KDM4C: variants seen among roughly 807,000 people sequenced by gnomAD.
KDM4C encodes lysine-specific demethylase 4C.
A neutral mutation model predicts 129.3 loss-of-function variants in KDM4C; 81 were observed. That is an observed-to-expected ratio of 0.63 (90% CI 0.52 to 0.75). KDM4C has a LOEUF of 0.75. Among genes scored for constraint, KDM4C ranks in the 30% least tolerant of loss-of-function variants. The pLI is 0.00. For missense variants in KDM4C, 1,457 were observed against 1,304.0 expected, an observed-to-expected ratio of 1.12 and a Z score of -1.81; for synonymous variants, 573 against 456.1, an observed-to-expected ratio of 1.26 and a Z score of -3.26.
chr9:6,780,333 C>A lies in KDM4C; in HGVS notation c.-17-12639C>A, dbSNP rs767357563. ...AAAGATGAGGTAATTTATTTTTAAT[C>A]TCAAACGAGGTGTGGGAATTATAAC... On this transcript the variant is annotated intron_variant, in intron 1 of 21. Transcript: ENST00000381309. Among the ~76,000 whole-genome samples the A allele has an allele frequency of 4.6e-4, 53 of 114,882 alleles. 1 individual carries two copies. Among genetic ancestry groups the A allele is most frequent in the South Asian group, 1.3e-3 (3 of 2,274 alleles). 75.4% of individuals were successfully genotyped at this position (114,882 alleles called of 152,430 possible).
At chr9:7,115,633 T>C (rs1838813733) in intron 18 of KDM4C, among the ~76,000 whole-genome samples, 1 of 152,238 alleles carries the variant, frequency 6.6e-6, no homozygotes, top group African/African-American at 2.4e-5. Context: ...TTTAAGACTA[T>C]TAACTGCAAG....
rs550023993 is a variant in KDM4C at position 7,171,814 on chromosome 9, T to G, written c.2994+1924T>G. Among the ~76,000 whole-genome samples the G allele has an allele frequency of 2.6e-5, 4 of 152,280 alleles. No homozygotes were observed. The South Asian group carries it at 8.3e-4, about 32-fold the overall frequency. ...AACAAGCTCACCAACATTCAATTTT[T>G]TTTTTATTCTCTGAAAAAATTTTTA... On this transcript the variant is annotated intron_variant, in intron 21 of 21. Coordinates refer to ENST00000381309, the MANE Select transcript of KDM4C (RefSeq NM_015061.6).
intron 19 of KDM4C, among the ~76,000 whole-genome samples, chr9:7,139,720 A>G (rs1728987970): frequency 6.6e-6 from 1 of 152,176 alleles, no homozygotes; most frequent in Admixed American, 6.5e-5. Context: ...TTTAAAATGT[A>G]TTTCAATACT....
At chr9:6,911,441 G>C (rs1485632659) in intron 8 of KDM4C, among the ~76,000 whole-genome samples, 2 of 152,210 alleles carry the variant, frequency 1.3e-5, no homozygotes, top group Non-Finnish European at 2.9e-5. Flanking sequence ...ACTGTGGGCT[G>C]TCAAGCTAGT....
chr9:7,098,521 C>T (rs1393644235), intron 17 of KDM4C, among the ~76,000 whole-genome samples: 1 of 152,130 alleles, frequency 6.6e-6, no homozygotes, highest in Admixed American at 6.5e-5. Flanking sequence ...TGACCAGTTG[C>T]CCAAGTAAAC....
chr9:6,908,299 C>T (rs1818681933), intron 8 of KDM4C, among the ~76,000 whole-genome samples: 1 of 152,194 alleles, frequency 6.6e-6, no homozygotes, highest in Admixed American at 6.5e-5. Context: ...TCTTCCAAAT[C>T]TATTGCAAAC....
rs1452675221 is a variant in KDM4C at position 6,738,231 on chromosome 9, C to T, written c.49+17234C>T. On this transcript the variant is annotated intron_variant, in intron 1 of 17. Transcript: ENST00000536108. ...GTGGCTCACACCTGTAATCCCAGCA[C>T]TTTGGGAGGCCGAGGCAGATGGATC... Among the ~76,000 whole-genome samples the T allele has an allele frequency of 4.6e-5, 7 of 152,196 alleles. No individual in the cohort carries two copies. In the East Asian group the frequency reaches 1.4e-3, roughly 29 times the overall value.
Position 6,841,205 on chromosome 9 carries a change from A to C in KDM4C, c.436-8302A>C, listed in dbSNP as rs1041558551. 2.6e-5 allele frequency among the ~76,000 whole-genome samples: 4 copies of C among 152,196 alleles called. No individual in the cohort carries two copies. The South Asian group carries it at 8.3e-4, about 32-fold the overall frequency. On this transcript the variant is annotated intron_variant, in intron 4 of 21. Transcript: ENST00000381309. Reference sequence around the variant, plus strand: ...CCCTGTGAATTCTTGAATTTCAAAAATTTTTATTGGTCATTATTGGCCCAG... The same window carrying C: ...CCCTGTGAATTCTTGAATTTCAAAACTTTTTATTGGTCATTATTGGCCCAG...
At chr9:6,838,639 T>C (rs1836322676) in intron 4 of KDM4C, among the ~76,000 whole-genome samples, 1 of 152,230 alleles carries the variant, frequency 6.6e-6, no homozygotes, top group Non-Finnish European at 1.5e-5. Flanking sequence ...ACTTGCTATA[T>C]GATGGTTGTT....
intron 5 of KDM4C, among the ~76,000 whole-genome samples, chr9:6,859,980 GAGAAA>G (rs1370907992): frequency 6.6e-6 from 1 of 152,148 alleles, no homozygotes; most frequent in Admixed American, 6.5e-5. Context: ...TAGCTTTAAG[GAGAAA>G]AGAAAAGAGT....
chr9:7,129,967 C>T (rs964360629), intron 19 of KDM4C, among the ~76,000 whole-genome samples: 2 of 152,104 alleles, frequency 1.3e-5, no homozygotes, highest in Non-Finnish European at 2.9e-5. Context: ...ACATGTAATC[C>T]GTCTCTAGAA....
At chr9:6,774,113 C>G (rs1822499188) in intron 1 of KDM4C, among the ~76,000 whole-genome samples, 1 of 151,880 alleles carries the variant, frequency 6.6e-6, no homozygotes, top group African/African-American at 2.4e-5. Context: ...GTTTCGAACT[C>G]CTGACCTCAA....
chr9:7,074,493 T>A (rs1004110246), intron 17 of KDM4C, among the ~76,000 whole-genome samples: 2 of 152,146 alleles, frequency 1.3e-5, no homozygotes, highest in African/African-American at 4.8e-5. Flanking sequence ...ATATAATCTA[T>A]TCTTGAATCT....
intron 8 of KDM4C, chr9:6,925,285 A>T (rs1049932036): frequency 1.0e-6 from 1 of 985,192 alleles, no homozygotes. Context: ...ACTATGGGAA[A>T]ATATAATAAT....
chr9:7,134,581 C>T (rs12341212), intron 19 of KDM4C, among the ~76,000 whole-genome samples: 8,178 of 152,220 alleles, frequency 0.054, 726 homozygotes, highest in African/African-American at 0.18. Flanking sequence ...CATTAGTTAG[C>T]TTGAATTCTC....
intron 17 of KDM4C, among the ~76,000 whole-genome samples, chr9:7,062,170 G>A (rs1008212266): frequency 1.3e-5 from 2 of 152,076 alleles, no homozygotes; most frequent in African/African-American, 2.4e-5. Flanking sequence ...GGGTGTCACC[G>A]TGTTAGCCAG....
intron 12 of KDM4C, among the ~76,000 whole-genome samples, chr9:7,005,018 A>G (rs1821404000): frequency 6.6e-6 from 1 of 152,182 alleles, no homozygotes; most frequent in African/African-American, 2.4e-5. Flanking sequence ...CGAGACTCAC[A>G]TTTATTCAGT....
At chr9:6,815,793 T>C (rs1831974833) in intron 4 of KDM4C, among the ~76,000 whole-genome samples, 1 of 152,180 alleles carries the variant, frequency 6.6e-6, no homozygotes, top group African/African-American at 2.4e-5. Context: ...ACATCTGAAA[T>C]ACCTCTGGGC....
chr9:6,888,387 A>G (rs776907596), intron 7 of KDM4C, among the ~76,000 whole-genome samples: 4 of 152,208 alleles, frequency 2.6e-5, no homozygotes, highest in Non-Finnish European at 5.9e-5. Flanking sequence ...TATGTGATCT[A>G]TTTTCTAAAA....
Sources: gnomAD v4.1 joint callset for allele counts (sites outside exome capture counted in the v4.1 genomes callset) on GRCh38, gnomAD v4.1.1 for gene constraint, MANE v1.5 for transcripts, NCBI Gene and HGNC (gene_info 2026-07-23, HGNC 2026-07-21) for gene names.